PFKM: variants seen among roughly 807,000 people sequenced by gnomAD.
PFKM encodes the protein ATP-dependent 6-phosphofructokinase, muscle type.
In PFKM, 58 loss-of-function variants were observed where a neutral mutation model predicts 95.5. The ratio of observed to expected loss-of-function variants is 0.61; its 90% CI spans 0.49 to 0.76. The LOEUF is 0.76. PFKM is among the 30% of genes least tolerant of loss of function. PFKM has a pLI of 0.00. For synonymous variants in PFKM, 336 were observed against 357.2 expected, an observed-to-expected ratio of 0.94 and a Z score of 0.67; for missense variants, 678 against 1,005.4, an observed-to-expected ratio of 0.67 and a Z score of 4.40.
chr12:48,134,663 G>A, intron 7 of PFKM, 58 bp from the exon 8 acceptor site: 1 of 1,177,128 alleles, frequency 8.5e-7, no homozygotes, highest in Non-Finnish European at 1.3e-6. Flanking sequence ...TGTTGGGTAT[G>A]GGTGAGGCTA....
chr12:48,106,289 C>T (rs1946590514), intron 1 of PFKM: 3 of 594,518 alleles, frequency 5.0e-6, no homozygotes, highest in Non-Finnish European at 9.0e-6. Context: ...TGGGCTTTTT[C>T]GCTTTCTCGT....
chr12:48,130,288 TG>T, intron 2 of PFKM, 74 bp from the exon 3 acceptor site: 1 of 898,048 alleles, frequency 1.1e-6, no homozygotes, highest in South Asian at 1.3e-5. Context: ...TTTAGCCAAA[TG>T]TAATATCTCT....
At chr12:48,142,677 T>C in intron 17 of PFKM, 105 bp from the exon 18 acceptor site, 2 of 1,117,360 alleles carry the variant, frequency 1.8e-6, no homozygotes, top group Non-Finnish European at 2.7e-6. Flanking sequence ...CCTGCTAGCC[T>C]ATGGAGAATA....
At chr12:48,105,905 G>C, upstream of PFKM, 1 of 627,568 alleles carries the variant, frequency 1.6e-6, no homozygotes, top group East Asian at 2.8e-5. Context: ...AAAAGGCGCC[G>C]GCCCCACAGT....
intron 10 of PFKM, among the ~76,000 whole-genome samples, chr12:48,136,088 C>T (rs539391861): frequency 1.3e-5 from 2 of 152,182 alleles, no homozygotes; most frequent in East Asian, 1.9e-4. Context: ...AGGGTTTCAC[C>T]GTGTTAGCCA....
At chr12:48,137,427 G>GTTC (rs1167806079) in intron 10 of PFKM, 3 of 450,006 alleles carry the variant, frequency 6.7e-6, no homozygotes, top group African/African-American at 2.0e-5. Context: ...ACCTTGTTTT[G>GTTC]TCAATAAGAA....
intron 3 of PFKM, among the ~76,000 whole-genome samples, chr12:48,108,784 G>A (rs905093310): frequency 2.5e-4 from 38 of 152,072 alleles, no homozygotes; most frequent in African/African-American, 9.2e-4. Flanking sequence ...TTGAGTTCCC[G>A]CTATTTGCCC....
intron 1 of PFKM, 188 bp downstream of exon 1, chr12:48,119,594 TC>T: frequency 7.5e-6 from 1 of 133,578 alleles, no homozygotes; most frequent in Non-Finnish European, 1.5e-5. Flanking sequence ...CCTTGGCCAG[TC>T]CCCTCCGCTT....
chr12:48,137,587 G>T, intron 10 of PFKM, 134 bp from the exon 11 acceptor site: 5 of 1,005,240 alleles, frequency 5.0e-6, no homozygotes, highest in Non-Finnish European at 7.7e-6. Flanking sequence ...AGCCCAGTAA[G>T]TTCTTTGCTG....
At chr12:48,129,415 C>CTT (rs537832311) in intron 2 of PFKM, among the ~76,000 whole-genome samples, 1 of 151,654 alleles carries the variant, frequency 6.6e-6, no homozygotes, top group South Asian at 2.1e-4. Context: ...TTACAGTATA[C>CTT]TTTTTGAGTT....
rs1443047101 is a variant in PFKM, at chr12:48,135,367, C to T, written c.920C>T (p.Ala307Val). 6.8e-6 allele frequency: 11 copies of T among 1,613,494 alleles called. No individual in the cohort carries two copies. Among genetic ancestry groups the T allele is most frequent in the Non-Finnish European group, 9.3e-6 (11 of 1,179,384 alleles). Residue 307 changes from alanine to valine, a missense_variant, in exon 10 of 23, where the codon GCC (alanine) becomes GTC (valine). Transcript: ENST00000359794. ...GHVQRGGTPSAFDRILGSRMG... is the reference protein window; with the variant it reads ...GHVQRGGTPSVFDRILGSRMG... ...GTGCAGAGGGGTGGGACGCCATCAGCCTTTGACAGAATTCTGGTAAGTCAC... is the reference window on the plus strand; with the variant it reads ...GTGCAGAGGGGTGGGACGCCATCAGTCTTTGACAGAATTCTGGTAAGTCAC...
chr12:48,114,097 T>C (rs1947458009), intron 3 of PFKM, among the ~76,000 whole-genome samples: 1 of 152,184 alleles, frequency 6.6e-6, no homozygotes. Context: ...GGGGATCGCC[T>C]CAGGGAACTG....
chr12:48,124,653 G>A (rs1461923877), intron 2 of PFKM, among the ~76,000 whole-genome samples: 1 of 152,124 alleles, frequency 6.6e-6, no homozygotes, highest in East Asian at 1.9e-4. Context: ...CTGTTTTATG[G>A]AGGCAGGGAC....
chr12:48,137,052 CCTTTTTTTTTTT>C (rs1156974655), intron 10 of PFKM, among the ~76,000 whole-genome samples: 4 of 146,026 alleles, frequency 2.7e-5, no homozygotes, highest in African/African-American at 1.0e-4. Context: ...CTGGGCCCAG[CCTTTTTTTTTTT>C]CTTTTTTTTT....
At chr12:48,105,874 T>C (rs1165278215), upstream of PFKM, 8 of 605,214 alleles carry the variant, frequency 1.3e-5, no homozygotes, top group Non-Finnish European at 2.3e-5. Flanking sequence ...GGGGAGGTGG[T>C]CCCAGGGGGC....
At chr12:48,135,677 A>G (rs754238806) in intron 10 of PFKM, among the ~76,000 whole-genome samples, 2 of 152,154 alleles carry the variant, frequency 1.3e-5, no homozygotes, top group Non-Finnish European at 2.9e-5. Flanking sequence ...ATTCACATGC[A>G]GTTGTACAGA....
chr12:48,107,313 A>G (rs1946760056), intron 1 of PFKM: 7 of 1,175,592 alleles, frequency 6.0e-6, no homozygotes, highest in Middle Eastern at 2.1e-4. Context: ...AGTCACTGAC[A>G]TCTTATTTCA....
intron 10 of PFKM, 138 bp from the exon 11 acceptor site, chr12:48,137,583 G>A: frequency 1.0e-6 from 1 of 954,830 alleles, no homozygotes; most frequent in Non-Finnish European, 1.7e-6. Flanking sequence ...GTAAAGCCCA[G>A]TAAGTTCTTT....
chr12:48,115,587 T>A (rs1947598356), upstream of PFKM, among the ~76,000 whole-genome samples: 1 of 152,178 alleles, frequency 6.6e-6, no homozygotes, highest in Non-Finnish European at 1.5e-5. Flanking sequence ...TTTTCACTTT[T>A]GTAGATCTTC....
Sources: allele counts gnomAD v4.1 joint callset (sites outside exome capture counted in the v4.1 genomes callset), GRCh38; gene constraint gnomAD v4.1.1; transcripts MANE v1.5; gene names NCBI Gene and HGNC (gene_info 2026-07-23, HGNC 2026-07-21).